CSTF2: variants seen among roughly 807,000 people sequenced by gnomAD.
CSTF2 encodes the protein cleavage stimulation factor subunit 2, also known as CF-1 64 kDa subunit.
Under a neutral mutation model 45.4 loss-of-function variants are expected in CSTF2, and 8 were observed. That is an observed-to-expected ratio of 0.18 (90% CI 0.10 to 0.32). The LOEUF is 0.32. Among genes scored for constraint, CSTF2 ranks in the 10% least tolerant of loss-of-function variants. The pLI is 1.00. For synonymous variants in CSTF2, 155 were observed against 158.9 expected (o/e 0.98, Z 0.18); for missense variants, 253 against 477.1 (o/e 0.53, Z 4.38).
At chrX:100,829,689 TTTGTGCTA>T (rs1221306072) in intron 8 of CSTF2, among the ~76,000 whole-genome samples, 1 of 111,336 alleles carries the variant, frequency 9.0e-6, no homozygotes, top group Non-Finnish European at 1.9e-5. Flanking sequence ...ATCCAATGCT[TTTGTGCTA>T]TTGTACATCC....
rs141539257 is a variant in CSTF2, at chrX:100,828,026, C to T, written c.827-14C>T. 812 of 1,196,764 alleles carry T rather than the reference C, an allele frequency of 6.8e-4. 2 individuals are homozygous for T. The African/African-American group carries it at 0.013, about 19-fold the overall frequency. ...CTAATTGGTGTTTTTTCTTGTCTGC[C>T]CTTTATCTTCTAGGAGGAATGCAGG... On this transcript the variant is annotated splice_polypyrimidine_tract_variant and intron_variant, in intron 7 of 13. Coordinates refer to ENST00000372972, the MANE Select transcript of CSTF2 (RefSeq NM_001325.3).
rs1418984454 is a variant in CSTF2, at chrX:100,822,379, T to C, written c.266T>C (p.Val89Ala). The C allele has an allele frequency of 8.3e-7, 1 of 1,209,260 alleles. No homozygotes were observed. The change falls in exon 3 of 14, where the codon GTG becomes GCG. Residue 89 changes from valine to alanine, a missense_variant. By Grantham distance (64) the Val-to-Ala change is moderately conservative. Transcript: ENST00000372972. ...GREFSGRALR[V>A]DNAASEKNKE... ...GAATTCAGTGGGAGAGCACTTCGAGTGGACAATGCTGCCAGTGAAAAGAAC... is the reference window on the plus strand; with the variant it reads ...GAATTCAGTGGGAGAGCACTTCGAGCGGACAATGCTGCCAGTGAAAAGAAC...
chrX:100,833,208 A>G lies in CSTF2; in HGVS notation c.1236A>G (p.Ala412=). 5 of 1,211,034 alleles carry G rather than the reference A, an allele frequency of 4.1e-6. No individual in the cohort carries two copies. The highest frequency in any genetic ancestry group is 5.6e-6 in the Non-Finnish European group (5 of 894,984). ...GAAGGGATCCCCGAGGAATAGATGC[A>G]CGAGGGATGGAGGCCCGAGCCATGG... ...RGGRDPRGID[A]RGMEARAMEA... The change falls in exon 11 of 14, where the codon GCA becomes GCG. Residue 412 remains alanine, a synonymous_variant. Coordinates refer to ENST00000372972, the MANE Select transcript of CSTF2 (RefSeq NM_001325.3).
intron 1 of CSTF2, 100 bp from the exon 2 acceptor site, chrX:100,821,427 C>T (rs745862879): frequency 1.2e-5 from 7 of 581,517 alleles, no homozygotes; most frequent in Non-Finnish European, 2.0e-5. Context: ...GATTGGAGAA[C>T]ACTATTTTGA....
At chrX:100,833,731 G>A (rs1335398959) in intron 11 of CSTF2, among the ~76,000 whole-genome samples, 1 of 111,791 alleles carries the variant, frequency 8.9e-6, no homozygotes, top group Admixed American at 9.5e-5. Context: ...AAATTTAGGG[G>A]TTAGAAAGTA....
At chrX:100,830,708 A>T in intron 8 of CSTF2, 2 of 636,533 alleles carry the variant, frequency 3.1e-6, no homozygotes, top group South Asian at 5.6e-5. Context: ...TTTAACTTAT[A>T]TATGTAAATC....
At position 100,825,995 on chromosome X, in the gene CSTF2, T is replaced by A. The variant is rs1017753518; in HGVS notation, c.703-639T>A. On this transcript the variant is annotated intron_variant, in intron 6 of 13. Coordinates refer to ENST00000372972, the MANE Select transcript of CSTF2 (RefSeq NM_001325.3). The stretch of plus-strand genomic sequence containing the variant: ...CCTTAAACGTATATGTGATTTTTTT[T>A]ATATAACTTGGCTTTTATTCTTTAT... 2.7e-5 allele frequency among the ~76,000 whole-genome samples: 3 copies of A among 111,901 alleles called. No individual in the cohort carries two copies. The Admixed American group carries it at 2.9e-4, about 11-fold the overall frequency.
intron 13 of CSTF2, 141 bp downstream of exon 13, chrX:100,838,505 C>A: frequency 2.1e-6 from 1 of 465,767 alleles, no homozygotes; most frequent in Non-Finnish European, 3.3e-6. Flanking sequence ...TTCAGTAGGT[C>A]AGCTCCTGTA....
At chrX:100,828,223 T>C (rs1374383354) in intron 8 of CSTF2, 121 bp downstream of exon 8, 3 of 537,408 alleles carry the variant, frequency 5.6e-6, no homozygotes, top group Non-Finnish European at 8.5e-6. Flanking sequence ...TAATTAAAAT[T>C]AAGTAAAATT....
Position 100,826,723 on chromosome X carries a change from C to T in CSTF2, c.792C>T (p.Val264=), listed in dbSNP as rs2084947411. The T allele has an allele frequency of 1.7e-6, 2 of 1,210,258 alleles. No homozygotes were observed. Among genetic ancestry groups the T allele is most frequent in the Admixed American group, 2.2e-5 (1 of 45,954 alleles). The change falls in exon 7 of 14, where the codon GTC becomes GTT. Residue 264 remains valine (V), a synonymous_variant. Coordinates refer to ENST00000372972, the MANE Select transcript of CSTF2 (RefSeq NM_001325.3). ...CACCAGGGCAAATGCCAGCTGCTGT[C>T]ACAGGACCTGGCCCTGGTTCCTTAG... ...VPAPGQMPAA[V]TGPGPGSLAP...
intron 1 of CSTF2, 147 bp from the exon 2 acceptor site, chrX:100,821,380 C>A: frequency 2.3e-6 from 1 of 442,052 alleles, no homozygotes. Flanking sequence ...GGTATATTTC[C>A]TTTGTTAAGA....
intron 2 of CSTF2, 35 bp from the exon 3 acceptor site, chrX:100,822,216 A>C: frequency 8.6e-7 from 1 of 1,159,598 alleles, no homozygotes; most frequent in Non-Finnish European, 1.2e-6. Flanking sequence ...GTATGTGTGT[A>C]ACATTTGTTC....
chrX:100,824,328 T>C, intron 6 of CSTF2, 71 bp downstream of exon 6: 1 of 1,029,887 alleles, frequency 9.7e-7, no homozygotes, highest in Non-Finnish European at 1.3e-6. Flanking sequence ...GAGAATATAT[T>C]GAAAGAAGAA....
chrX:100,822,620 A>T, intron 3 of CSTF2, 200 bp downstream of exon 3: 1 of 418,173 alleles, frequency 2.4e-6, no homozygotes, highest in Non-Finnish European at 4.1e-6. Flanking sequence ...TTTTTCAAGT[A>T]ATTGTCTGAA....
Position 100,831,622 on chromosome X carries a change from A to G in CSTF2, c.997A>G (p.Thr333Ala), listed in dbSNP as rs147281528. 8.3e-7 allele frequency: 1 copy of G among 1,209,619 alleles called. No individual in the cohort carries two copies. Among genetic ancestry groups the G allele is most frequent in the Non-Finnish European group, 1.1e-6 (1 of 894,865 alleles). The change falls in exon 9 of 14, where the codon ACT becomes GCT. Residue 333 changes from threonine to alanine, a missense_variant. By Grantham distance (58) the Thr-to-Ala change is moderately conservative (BLOSUM62 0). Around this residue, in one of 3 missense-constraint regions of CSTF2, gnomAD observed 200 missense variants for 294.0 expected, o/e 0.68. Coordinates refer to ENST00000372972, the MANE Select transcript of CSTF2 (RefSeq NM_001325.3). ...GDAPNDPRGG[T>A]LLSVTGEVEP... Reference sequence around the variant, plus strand: ...TGCTCCGAATGATCCACGGGGAGGCACTTTACTTTCTGTAACTGGAGAGGT... The same window carrying G: ...TGCTCCGAATGATCCACGGGGAGGCGCTTTACTTTCTGTAACTGGAGAGGT...
intron 11 of CSTF2, among the ~76,000 whole-genome samples, chrX:100,836,423 A>G (rs2085009025): frequency 1.8e-5 from 2 of 112,064 alleles, no homozygotes; most frequent in Admixed American, 1.9e-4. Flanking sequence ...CTGAAGTGGT[A>G]TCTGCTCCTA....
At chrX:100,833,132 G>A in intron 10 of CSTF2, 48 bp from the exon 11 acceptor site, 2 of 1,133,855 alleles carry the variant, frequency 1.8e-6, no homozygotes, top group Non-Finnish European at 2.4e-6. Flanking sequence ...CATTCTTGCA[G>A]TACATGCAAG....
chrX:100,825,288 A>G (rs968728482), intron 6 of CSTF2, among the ~76,000 whole-genome samples: 13 of 111,613 alleles, frequency 1.2e-4, no homozygotes, highest in South Asian at 3.8e-4. Context: ...TTTATTTTCT[A>G]TATGATTTGT....
chrX:100,832,704 T>G, intron 9 of CSTF2, 30 bp from the exon 10 acceptor site: 1 of 1,173,823 alleles, frequency 8.5e-7, no homozygotes, highest in South Asian at 2.0e-5. Flanking sequence ...TTGTTCTATT[T>G]TAAAATACAA....
Sources: allele counts gnomAD v4.1 joint callset (sites outside exome capture counted in the v4.1 genomes callset), GRCh38; gene constraint gnomAD v4.1.1; regional missense constraint gnomAD v4.1.1; transcripts MANE v1.5; gene names NCBI Gene and HGNC (gene_info 2026-07-23, HGNC 2026-07-21).